The following ARHGAP28 variants were observed in gnomAD, a reference collection of about 807,000 sequenced individuals.
ARHGAP28 encodes the protein rho GTPase-activating protein 28.
Under a neutral mutation model 90.7 loss-of-function variants are expected in ARHGAP28, and 56 were observed. The observed-to-expected ratio is 0.62, with a 90% confidence interval of 0.50 to 0.77. The LOEUF is 0.77. Among genes scored for constraint, ARHGAP28 ranks in the 30% least tolerant of loss-of-function variants. ARHGAP28 has a pLI of 0.00. For synonymous variants in ARHGAP28, 308 were observed against 323.3 expected, an observed-to-expected ratio of 0.95 and a Z score of 0.51; for missense variants, 869 against 900.9, an observed-to-expected ratio of 0.96 and a Z score of 0.45.
At chr18:6,756,435 A>G (rs1229222794) in intron 1 of ARHGAP28, among the ~76,000 whole-genome samples, 1 of 152,222 alleles carries the variant, frequency 6.6e-6, no homozygotes, top group Non-Finnish European at 1.5e-5. Context: ...AAGATACCAC[A>G]TAGAAGGGGG....
At position 6,887,722 on chromosome 18, in the gene ARHGAP28, C is replaced by T. The variant is rs556914701; in HGVS notation, c.1536+483C>T. On this transcript the variant is annotated intron_variant, in intron 12 of 17. Coordinates refer to ENST00000383472, the MANE Select transcript of ARHGAP28 (RefSeq NM_001366230.1). The stretch of plus-strand genomic sequence containing the variant: ...ACAAGTGTGAGCCACCACGCCCGGG[C>T]GGTATGTTCTTAAACATTTAAGTTT... 4.5e-4 allele frequency among the ~76,000 whole-genome samples: 69 copies of T among 152,272 alleles called. No homozygotes were observed. In the South Asian group the frequency reaches 8.9e-3, roughly 20 times the overall value.
chr18:6,850,345 C>T (rs528524488), intron 3 of ARHGAP28, among the ~76,000 whole-genome samples: 21 of 152,254 alleles, frequency 1.4e-4, no homozygotes, highest in African/African-American at 4.8e-4. Context: ...GTTTACAAAC[C>T]ATTGCAAAAT....
chr18:6,829,226 T>A (rs149589374), intron 2 of ARHGAP28, among the ~76,000 whole-genome samples: 1 of 152,298 alleles, frequency 6.6e-6, no homozygotes, highest in East Asian at 1.9e-4. Context: ...CCTTACCCCC[T>A]TTTTCTTACT....
At position 6,859,889 on chromosome 18, in the gene ARHGAP28, G is replaced by C. The variant is rs149725405; in HGVS notation, c.718G>C (p.Asp240His). Residue 240 changes from aspartate to histidine, a missense_variant, in exon 5 of 18, where the codon GAC (aspartate) becomes CAC (histidine). By Grantham distance (81) the Asp-to-His change is moderately conservative. Transcript: ENST00000383472. ...KEGSFAVPRS[D>H]SVAILETIPV... ...AGGGAGTTTTGCGGTTCCCAGGAGT[G>C]ACTCTGTGGTAAGTCATCCATGTCA... The C allele has an allele frequency of 7.4e-6, 12 of 1,613,980 alleles. No homozygotes were observed. Among genetic ancestry groups the C allele is most frequent in the Middle Eastern group, 1.6e-4 (1 of 6,082 alleles).
intron 1 of ARHGAP28, among the ~76,000 whole-genome samples, chr18:6,805,479 C>CTTTTTT (rs756550297): frequency 6.3e-4 from 61 of 97,564 alleles, no homozygotes; most frequent in African/African-American, 1.2e-3. Context: ...TAACCTTTGC[C>CTTTTTT]TTTTTTTTTT....
At chr18:6,839,319 C>A (rs1001205052) in intron 3 of ARHGAP28, among the ~76,000 whole-genome samples, 219 of 127,146 alleles carry the variant, frequency 1.7e-3, no homozygotes, top group Middle Eastern at 5.6e-3. Flanking sequence ...TTTGAGACAG[C>A]GTCTCGCTCT....
chr18:6,856,213 T>C (rs758713881), intron 4 of ARHGAP28, among the ~76,000 whole-genome samples: 59 of 152,236 alleles, frequency 3.9e-4, no homozygotes, highest in Admixed American at 2.6e-3. Flanking sequence ...ATGCTCCAGA[T>C]TTGAACATTT....
Position 6,912,078 on chromosome 18 carries a change from C to T in ARHGAP28, c.2114C>T (p.Pro705Leu). 2 of 1,604,286 alleles carry T rather than the reference C, an allele frequency of 1.2e-6. No individual in the cohort carries two copies. Among genetic ancestry groups the T allele is most frequent in the Non-Finnish European group, 8.5e-7 (1 of 1,173,906 alleles). Residue 705 changes from proline (P) to leucine (L), a missense_variant, in exon 18 of 18, where the codon CCA becomes CTA. Transcript: ENST00000383472. ...CTTTTAGGAGAGCATTGCTTGGATC[C>T]AGATGCTTATATATTGGATGTATAT... ...GGNIGEHCLD[P>L]DAYILDVYRI...
chr18:6,839,363 G>T (rs568228989), intron 3 of ARHGAP28, among the ~76,000 whole-genome samples: 1 of 145,364 alleles, frequency 6.9e-6, no homozygotes, highest in Non-Finnish European at 1.5e-5. Flanking sequence ...GCGCAATCTC[G>T]GCTCACTGCA....
chr18:6,841,203 C>CTCTTT (rs754874496), intron 3 of ARHGAP28, among the ~76,000 whole-genome samples: 1 of 41,972 alleles, frequency 2.4e-5, no homozygotes, highest in Non-Finnish European at 4.2e-5. Flanking sequence ...CTCTCTCTCT[C>CTCTTT]CTCTCCTCTC....
intron 2 of ARHGAP28, among the ~76,000 whole-genome samples, chr18:6,836,856 CATTAAGTA>C (rs970303976): frequency 6.6e-6 from 1 of 152,092 alleles, no homozygotes; most frequent in African/African-American, 2.4e-5. Flanking sequence ...ATTTGTATTC[CATTAAGTA>C]ATGGGTTTTT....
In ARHGAP28 at chr18:6,887,257, C is replaced by T. The variant is rs749912613; in HGVS notation, c.1536+18C>T. The T allele has an allele frequency of 6.2e-7, 1 of 1,610,748 alleles. No homozygotes were observed. The highest frequency in any genetic ancestry group is 1.3e-5 in the African/African-American group (1 of 74,832). ...CAGCTCAGGTACGTCGTGTCCACCTCACAGCTTGTCCTGGGGCTCTTATTG... is the reference window on the plus strand; with the variant it reads ...CAGCTCAGGTACGTCGTGTCCACCTTACAGCTTGTCCTGGGGCTCTTATTG... On this transcript the variant is annotated intron_variant, in intron 12 of 17. Coordinates refer to ENST00000383472, the MANE Select transcript of ARHGAP28 (RefSeq NM_001366230.1).
At chr18:6,780,703 A>G (rs1212893634) in intron 1 of ARHGAP28, among the ~76,000 whole-genome samples, 1 of 152,134 alleles carries the variant, frequency 6.6e-6, no homozygotes, top group South Asian at 2.1e-4. Flanking sequence ...AGCCTGCCCA[A>G]GATAGCAAAA....
rs192985122 is a variant in ARHGAP28, at chr18:6,872,159, G to T, written c.955-1250G>T. Among the ~76,000 whole-genome samples the T allele has an allele frequency of 3.3e-5, 5 of 152,344 alleles. No individual in the cohort carries two copies. The East Asian group carries it at 9.7e-4, about 29-fold the overall frequency. The stretch of plus-strand genomic sequence containing the variant: ...TAAAGAGAGGCATGCAAGAGAGGAT[G>T]CTGGCCCCTGCATCTCCTCATCGAA... On this transcript the variant is annotated intron_variant, in intron 7 of 17. Transcript: ENST00000383472.
chr18:6,817,222 G>T (rs950395108), intron 1 of ARHGAP28, among the ~76,000 whole-genome samples: 1 of 152,052 alleles, frequency 6.6e-6, no homozygotes, highest in Non-Finnish European at 1.5e-5. Flanking sequence ...GCTGAGGCAG[G>T]AGAATTGCTT....
intron 1 of ARHGAP28, among the ~76,000 whole-genome samples, chr18:6,810,172 T>A (rs2056546647): frequency 6.6e-6 from 1 of 152,160 alleles, no homozygotes; most frequent in Admixed American, 6.5e-5. Flanking sequence ...TATTTTTATA[T>A]TTTTTATGAG....
intron 1 of ARHGAP28, among the ~76,000 whole-genome samples, chr18:6,785,667 T>G (rs1195179293): frequency 6.6e-6 from 1 of 152,166 alleles, no homozygotes; most frequent in African/African-American, 2.4e-5. Flanking sequence ...CCAGCAGGTT[T>G]GAGAATTCCA....
At chr18:6,893,342 G>A (rs1336566884) in intron 14 of ARHGAP28, among the ~76,000 whole-genome samples, 1 of 152,182 alleles carries the variant, frequency 6.6e-6, no homozygotes, top group Non-Finnish European at 1.5e-5. Context: ...CTGAACTGGA[G>A]AGCAGGGATG....
At chr18:6,852,744 G>A (rs957611159) in intron 4 of ARHGAP28, among the ~76,000 whole-genome samples, 3 of 152,200 alleles carry the variant, frequency 2.0e-5, no homozygotes, top group Admixed American at 6.5e-5. Context: ...CTTCATACCC[G>A]TTAGTGTCAC....
Sources: gnomAD v4.1 joint callset for allele counts (sites outside exome capture counted in the v4.1 genomes callset) on GRCh38, gnomAD v4.1.1 for gene constraint, MANE v1.5 for transcripts, NCBI Gene and HGNC (gene_info 2026-07-23, HGNC 2026-07-21) for gene names.